The following PTPRT variants were observed in gnomAD, a reference collection of about 807,000 sequenced individuals.
PTPRT encodes receptor-type tyrosine-protein phosphatase T.
Under a neutral mutation model 176.8 loss-of-function variants are expected in PTPRT, and 56 were observed. The observed-to-expected ratio is 0.32, with a 90% CI of 0.26 to 0.40. PTPRT has a LOEUF of 0.40. Among genes scored for constraint, PTPRT ranks in the 10% least tolerant of loss-of-function variants. PTPRT has a pLI of 1.00. For synonymous variants in PTPRT, 783 were observed against 739.0 expected (o/e 1.06, Z -0.96); for missense variants, 1,540 against 1,908.2 (o/e 0.81, Z 3.60).
downstream of PTPRT, among the ~76,000 whole-genome samples, chr20:42,071,064 G>A (rs376323159): frequency 6.6e-6 from 1 of 152,150 alleles, no homozygotes; most frequent in Non-Finnish European, 1.5e-5. Flanking sequence ...CCCAAGCTGG[G>A]AATCACATGT....
rs147378347 is a variant in PTPRT at position 42,564,305 on chromosome 20, T to G, written c.1154-91743A>C. Among the ~76,000 whole-genome samples the G allele has an allele frequency of 5.0e-3, 762 of 152,350 alleles. 5 individuals carry two copies. The highest frequency in any genetic ancestry group is 0.017 in the African/African-American group (727 of 41,584). ...CATTGCCCAGACTTTTCCCAAAAGA[T>G]GTGGGCTACTTTTAGAATAAGAGCA... On this transcript the variant is annotated intron_variant, in intron 7 of 30. Transcript: ENST00000373187.
At position 42,352,079 on chromosome 20, in the gene PTPRT, G is replaced by C. The variant is rs970611363; in HGVS notation, c.1762+5C>G. On this transcript the variant is annotated splice_donor_5th_base_variant and intron_variant, in intron 10 of 30. Transcript: ENST00000373187. ...TTTTTCCTTTTTCCTTTCTAGCAGA[G>C]ATACCTGAAATTTTGGTGGCAATCC... 8 of 1,612,852 alleles carry C rather than the reference G, an allele frequency of 5.0e-6. No individual in the cohort carries two copies. Among genetic ancestry groups the C allele is most frequent in the Non-Finnish European group, 6.8e-6 (8 of 1,178,940 alleles).
chr20:42,950,517 A>G (rs948220499), intron 1 of PTPRT, among the ~76,000 whole-genome samples: 1 of 152,138 alleles, frequency 6.6e-6, no homozygotes, highest in Non-Finnish European at 1.5e-5. Context: ...ACAGCATGGA[A>G]TCCCTGGCAT....
At chr20:43,146,381 T>C (rs1352814974) in intron 1 of PTPRT, among the ~76,000 whole-genome samples, 1 of 152,078 alleles carries the variant, frequency 6.6e-6, no homozygotes, top group African/African-American at 2.4e-5. Flanking sequence ...CTAGACCCTA[T>C]GTAGTGAAAA....
chr20:42,902,620 C>T (rs558826529), intron 1 of PTPRT, among the ~76,000 whole-genome samples: 1 of 152,296 alleles, frequency 6.6e-6, no homozygotes, highest in East Asian at 1.9e-4. Flanking sequence ...TACTTTCCAA[C>T]CACTGCCTTA....
At chr20:42,644,290 G>C (rs2074835853) in intron 7 of PTPRT, among the ~76,000 whole-genome samples, 2 of 152,052 alleles carry the variant, frequency 1.3e-5, no homozygotes, top group Admixed American at 1.3e-4. Context: ...CCAAACCAGA[G>C]AGACTTCCCA....
intron 1 of PTPRT, among the ~76,000 whole-genome samples, chr20:43,141,213 C>T (rs570312567): frequency 6.6e-6 from 1 of 152,298 alleles, no homozygotes; most frequent in East Asian, 1.9e-4. Context: ...ACAAGCTACC[C>T]CCAACATTCA....
rs527555061 is a variant in PTPRT at position 42,098,757 on chromosome 20, T to C, written c.3715-205A>G. On this transcript the variant is annotated intron_variant, in intron 26 of 30. Coordinates refer to ENST00000373187, the MANE Select transcript of PTPRT (RefSeq NM_007050.6). Reference sequence around the variant, plus strand: ...ACAATCTCCTCCAAACTAAGACATTTCATTAGGAAAGTGTCACTGGGATGG... The same window carrying C: ...ACAATCTCCTCCAAACTAAGACATTCCATTAGGAAAGTGTCACTGGGATGG... Among the ~76,000 whole-genome samples the C allele has an allele frequency of 2.6e-5, 4 of 152,342 alleles. No homozygotes were observed. In the East Asian group the frequency reaches 7.7e-4, roughly 29 times the overall value.
intron 8 of PTPRT, among the ~76,000 whole-genome samples, chr20:42,450,699 T>C (rs982444992): frequency 6.6e-6 from 1 of 152,180 alleles, no homozygotes; most frequent in Non-Finnish European, 1.5e-5. Flanking sequence ...TCCTATTGCT[T>C]TCCCTTATCC....
intron 11 of PTPRT, among the ~76,000 whole-genome samples, chr20:42,321,212 T>A (rs767920429): frequency 1.8e-4 from 28 of 152,124 alleles, no homozygotes; most frequent in Non-Finnish European, 3.1e-4. Flanking sequence ...CATCTCAGAA[T>A]CTCAATGGAG....
intron 6 of PTPRT, among the ~76,000 whole-genome samples, chr20:42,727,010 A>G (rs1402022805): frequency 1.3e-5 from 2 of 152,000 alleles, no homozygotes; most frequent in African/African-American, 4.8e-5. Context: ...ACAAAAGGTT[A>G]CCTCCCAAGG....
chr20:42,927,051 G>C (rs777628573), intron 1 of PTPRT, among the ~76,000 whole-genome samples: 17 of 152,148 alleles, frequency 1.1e-4, no homozygotes, highest in Admixed American at 2.0e-4. Context: ...TGTGCAGGTG[G>C]GGTTGTAAGG....
chr20:42,923,666 A>C (rs536695019), intron 1 of PTPRT, among the ~76,000 whole-genome samples: 2 of 152,212 alleles, frequency 1.3e-5, no homozygotes, highest in Non-Finnish European at 2.9e-5. Flanking sequence ...TAACAAGGTC[A>C]CACAATGAGG....
chr20:42,584,889 A>G (rs2073444987), intron 7 of PTPRT, among the ~76,000 whole-genome samples: 1 of 152,212 alleles, frequency 6.6e-6, no homozygotes, highest in Admixed American at 6.5e-5. Context: ...ATAAGTTCCT[A>G]TGAGTTAAGT....
At chr20:42,664,369 C>T (rs2075277343) in intron 7 of PTPRT, among the ~76,000 whole-genome samples, 1 of 152,094 alleles carries the variant, frequency 6.6e-6, no homozygotes, top group African/African-American at 2.4e-5. Flanking sequence ...GAAGATTTTT[C>T]TTTTTCTTGT....
chr20:42,696,962 G>A (rs13038370), intron 6 of PTPRT, among the ~76,000 whole-genome samples: 56,108 of 151,874 alleles, frequency 0.37, 11,488 homozygotes, highest in African/African-American at 0.55. Flanking sequence ...GTTTCTTAAG[G>A]CACTTTATTT....
chr20:42,539,425 A>G (rs1298106271), intron 7 of PTPRT, among the ~76,000 whole-genome samples: 2 of 150,200 alleles, frequency 1.3e-5, no homozygotes, highest in Non-Finnish European at 3.0e-5. Flanking sequence ...ATGGGAAACC[A>G]TCACTTTCTT....
chr20:42,727,429 G>A (rs1600668503), intron 6 of PTPRT, among the ~76,000 whole-genome samples: 1 of 152,140 alleles, frequency 6.6e-6, no homozygotes, highest in East Asian at 1.9e-4. Context: ...CTTACAGTGT[G>A]CCAGGTGTTC....
At chr20:42,781,169 G>GATT (rs143347063) in intron 3 of PTPRT, among the ~76,000 whole-genome samples, 2,321 of 150,956 alleles carry the variant, frequency 0.015, 56 homozygotes, top group African/African-American at 0.053. Flanking sequence ...CTAATCCTTG[G>GATT]ATTATTAATG....
Sources: gnomAD v4.1 joint callset for allele counts (sites outside exome capture counted in the v4.1 genomes callset) on GRCh38, gnomAD v4.1.1 for gene constraint, MANE v1.5 for transcripts, NCBI Gene and HGNC (gene_info 2026-07-23, HGNC 2026-07-21) for gene names.